The following NRXN1 variants were observed in gnomAD, a reference collection of about 807,000 sequenced individuals.
The protein encoded by NRXN1 is neurexin-1.
NRXN1 carries 39 observed loss-of-function variants against 150.9 expected under a neutral mutation model. The observed-to-expected ratio is 0.26, with a 90% CI of 0.20 to 0.34. NRXN1 has a LOEUF of 0.34. Ranked by LOEUF, NRXN1 falls within the 10% of genes least tolerant of loss-of-function variation. The pLI is 1.00. For missense variants in NRXN1, 1,815 were observed against 1,949.9 expected, an observed-to-expected ratio of 0.93 and a Z score of 1.30; for synonymous variants, 924 against 757.0, an observed-to-expected ratio of 1.22 and a Z score of -3.62.
intron 5 of NRXN1, among the ~76,000 whole-genome samples, chr2:50,896,979 A>T (rs1682074266): frequency 6.6e-6 from 1 of 152,260 alleles, no homozygotes; most frequent in Non-Finnish European, 1.5e-5. Context: ...TGTCCTGAGC[A>T]AAACTGCAAG....
At chr2:50,138,865 T>C (rs1706816271) in intron 18 of NRXN1, among the ~76,000 whole-genome samples, 2 of 152,238 alleles carry the variant, frequency 1.3e-5, no homozygotes, top group Admixed American at 1.3e-4. Flanking sequence ...GTGATACATG[T>C]GTTTAATAAC....
Position 50,078,721 on chromosome 2 carries a change from T to C in NRXN1, c.3718+12602A>G, listed in dbSNP as rs1039892616. 3.3e-5 allele frequency among the ~76,000 whole-genome samples: 5 copies of C among 152,192 alleles called. No individual in the cohort carries two copies. In the East Asian group the frequency reaches 5.8e-4, roughly 18 times the overall value. On this transcript the variant is annotated intron_variant, in intron 19 of 22. Coordinates refer to ENST00000401669, the MANE Select transcript of NRXN1 (RefSeq NM_001330078.2). ...GTTTGTCGTAGTTAGATGGAACTTA[T>C]GGATTTTTGTTGAGAATATGAATAC...
chr2:50,493,039 T>C lies in NRXN1; in HGVS notation c.3070+2866A>G, dbSNP rs370555369. 4.3e-4 allele frequency among the ~76,000 whole-genome samples: 66 copies of C among 152,316 alleles called. 1 individual carries two copies. The East Asian group carries it at 5.0e-3, about 12-fold the overall frequency. On this transcript the variant is annotated intron_variant, in intron 15 of 22. Transcript: ENST00000401669. ...CAACATGATTCTCAAGTAGCTAAAG[T>C]TGGCTGACCTTCTTTTGAGAAGCAC...
In NRXN1 at chr2:50,953,334, T is replaced by C. The variant is rs557798398; in HGVS notation, c.773-27379A>G. Among the ~76,000 whole-genome samples the C allele has an allele frequency of 3.3e-5, 5 of 152,264 alleles. No individual in the cohort carries two copies. In the East Asian group the frequency reaches 5.8e-4, roughly 18 times the overall value. On this transcript the variant is annotated intron_variant, in intron 2 of 22. Transcript: ENST00000401669. ...TAATGCTTCAGAAGCCCATAACAAATTGTCTGGAATATAGTAGTTAAGTCA... is the reference window on the plus strand; with the variant it reads ...TAATGCTTCAGAAGCCCATAACAAACTGTCTGGAATATAGTAGTTAAGTCA...
intron 5 of NRXN1, among the ~76,000 whole-genome samples, chr2:50,856,612 T>C (rs1474631104): frequency 6.6e-6 from 1 of 152,094 alleles, no homozygotes; most frequent in African/African-American, 2.4e-5. Context: ...TATCCACATT[T>C]CCCCCTAAAT....
intron 2 of NRXN1, among the ~76,000 whole-genome samples, chr2:51,004,949 C>T (rs1700528432): frequency 2.0e-5 from 3 of 151,890 alleles, no homozygotes. Context: ...AACCTTACCG[C>T]ATAAGATGGA....
At chr2:50,510,798 A>G (rs1407450647) in intron 12 of NRXN1, among the ~76,000 whole-genome samples, 1 of 152,156 alleles carries the variant, frequency 6.6e-6, no homozygotes, top group Non-Finnish European at 1.5e-5. Flanking sequence ...TTCCACAGAA[A>G]ATGATCTGCA....
chr2:50,522,216 T>C (rs964390707), intron 12 of NRXN1, among the ~76,000 whole-genome samples: 14 of 152,310 alleles, frequency 9.2e-5, no homozygotes, highest in African/African-American at 3.4e-4. Context: ...GGGATATTTG[T>C]ATAAAAGAAA....
intron 17 of NRXN1, among the ~76,000 whole-genome samples, chr2:50,270,504 C>T (rs995074493): frequency 2.6e-5 from 4 of 151,916 alleles, no homozygotes; most frequent in Admixed American, 6.6e-5. Flanking sequence ...GTTTATTCAT[C>T]CTTTCTCCAG....
At chr2:50,059,033 T>A (rs1694080092) in intron 19 of NRXN1, among the ~76,000 whole-genome samples, 1 of 151,998 alleles carries the variant, frequency 6.6e-6, no homozygotes, top group African/African-American at 2.4e-5. Flanking sequence ...TACCTGAAAA[T>A]GTGGAATTGA....
intron 17 of NRXN1, among the ~76,000 whole-genome samples, chr2:50,241,016 C>T (rs2065951709): frequency 6.6e-6 from 1 of 151,486 alleles, no homozygotes; most frequent in Admixed American, 6.6e-5. Context: ...GACATTCCTA[C>T]CTCGTAATTT....
intron 19 of NRXN1, among the ~76,000 whole-genome samples, chr2:50,062,852 A>T (rs1558796675): frequency 1.3e-5 from 2 of 152,190 alleles, no homozygotes; most frequent in African/African-American, 4.8e-5. Flanking sequence ...ATGGGGAAAA[A>T]GTAAAGAAAA....
intron 8 of NRXN1, among the ~76,000 whole-genome samples, chr2:50,577,846 T>A (rs577214478): frequency 6.6e-6 from 1 of 152,218 alleles, no homozygotes; most frequent in South Asian, 2.1e-4. Context: ...ATGGAATAAA[T>A]TGTTAAAACA....
chr2:50,779,850 T>C (rs1242746827), intron 5 of NRXN1, among the ~76,000 whole-genome samples: 3 of 152,124 alleles, frequency 2.0e-5, no homozygotes, highest in African/African-American at 7.2e-5. Context: ...GTCTTTACAG[T>C]AGAATGATTT....
At chr2:50,413,463 A>G (rs934222957) in intron 17 of NRXN1, among the ~76,000 whole-genome samples, 3 of 152,180 alleles carry the variant, frequency 2.0e-5, no homozygotes, top group African/African-American at 7.2e-5. Context: ...GAGAAATGCC[A>G]ATCAAAACTA....
intron 15 of NRXN1, among the ~76,000 whole-genome samples, chr2:50,480,511 C>T (rs1204724493): frequency 1.3e-5 from 2 of 152,174 alleles, no homozygotes; most frequent in African/African-American, 4.8e-5. Flanking sequence ...CAAAGAAAGA[C>T]ATGCATTTAT....
rs114305485 is a variant in NRXN1 at position 50,341,200 on chromosome 2, C to T, written c.3365-104230G>A. 3.0e-3 allele frequency among the ~76,000 whole-genome samples: 456 copies of T among 152,208 alleles called. 2 individuals are homozygous for T. Among genetic ancestry groups the T allele is most frequent in the African/African-American group, 0.01 (426 of 41,528 alleles). On this transcript the variant is annotated intron_variant, in intron 17 of 22. Transcript: ENST00000401669. ...TAGTTCACTTAAATTATTTAGATCT[C>T]TGTTGTCACATCTGTAAAATGAAAG...
chr2:50,730,977 C>G (rs1030141024), intron 5 of NRXN1, among the ~76,000 whole-genome samples: 6 of 152,058 alleles, frequency 3.9e-5, no homozygotes, highest in Admixed American at 3.3e-4. Context: ...CCGGCCTTCC[C>G]TTATCTTTCT....
At chr2:50,778,294 A>C (rs1703911727) in intron 5 of NRXN1, among the ~76,000 whole-genome samples, 1 of 152,228 alleles carries the variant, frequency 6.6e-6, no homozygotes, top group Non-Finnish European at 1.5e-5. Context: ...TAAGGCAGAA[A>C]GTAAAGAGAT....
Sources: gnomAD v4.1 joint callset for allele counts (sites outside exome capture counted in the v4.1 genomes callset) on GRCh38, gnomAD v4.1.1 for gene constraint, MANE v1.5 for transcripts, NCBI Gene and HGNC (gene_info 2026-07-23, HGNC 2026-07-21) for gene names.